The following AGAP1 variants were observed in gnomAD, a reference collection of about 807,000 sequenced individuals.
The protein encoded by AGAP1 is ArfGAP with GTPase domain, ankyrin repeat and PH domain 1, also known as arf-GAP with GTPase, ANK repeat and PH domain-containing protein 1.
In AGAP1, 29 loss-of-function variants were observed where a neutral mutation model predicts 105.3. The ratio of observed to expected loss-of-function variants is 0.28; its 90% CI spans 0.21 to 0.38. AGAP1 has a LOEUF of 0.38. AGAP1 is among the 10% of genes least tolerant of loss of function. The pLI, the probability that AGAP1 is intolerant of heterozygous loss-of-function variation, is 1.00. For synonymous variants in AGAP1, 509 were observed against 485.9 expected (o/e 1.05, Z -0.63); for missense variants, 998 against 1,165.1 (o/e 0.86, Z 2.09).
Position 236,036,809 on chromosome 2 carries a change from A to C in AGAP1, c.1800+94A>C. Reference sequence around the variant, plus strand: ...CCCAGGGAGGAGAAAATAGAGGACCAGTGTGAATGACAGGACCTAGCTATT... The same window carrying C: ...CCCAGGGAGGAGAAAATAGAGGACCCGTGTGAATGACAGGACCTAGCTATT... On this transcript the variant is annotated intron_variant, in intron 14 of 17. Coordinates refer to ENST00000304032, the MANE Select transcript of AGAP1 (RefSeq NM_001037131.3). This position sits in a 1 kb window ranked among gnomAD's most constrained non-coding sequence, Gnocchi z 5.7. 4 of 1,529,208 alleles carry C rather than the reference A, an allele frequency of 2.6e-6. No homozygotes were observed. Among genetic ancestry groups the C allele is most frequent in the Non-Finnish European group, 3.5e-6 (4 of 1,141,110 alleles). The allele number at this position is 1,529,208 out of a possible 1,614,324, so 94.7% of individuals were successfully genotyped here.
intron 2 of AGAP1, 37 bp from the exon 3 acceptor site, chr2:235,717,520 T>C (rs1450677154): frequency 7.4e-5 from 115 of 1,544,424 alleles, no homozygotes; most frequent in Non-Finnish European, 9.6e-5. Context: ...AATAGAGTGA[T>C]TTGATGATGC....
At chr2:235,589,716 G>A (rs922984029) in intron 1 of AGAP1, among the ~76,000 whole-genome samples, 2 of 152,084 alleles carry the variant, frequency 1.3e-5, no homozygotes, top group African/African-American at 4.8e-5. Flanking sequence ...TAGAGATATA[G>A]AATGGAGATA....
rs975789604 is a variant in AGAP1, at chr2:235,783,038, GTGTGTGTGTGTGTC to G, written c.674-14719_674-14706del. Among the ~76,000 whole-genome samples the G allele has an allele frequency of 6.8e-5, 6 of 88,748 alleles. No individual in the cohort carries two copies. In the East Asian group the frequency reaches 1.2e-3, roughly 18 times the overall value. 58.2% of individuals were successfully genotyped at this position (88,748 alleles called of 152,430 possible). A position where few individuals can be genotyped will look rare whatever the true frequency, so the allele number is the denominator to read the frequency against. ...GGCAGGAGATTGTGTGTGTGTGTGT[GTGTGTGTGTGTGTC>G]TAGGTTGCAGAGTGAGGATCTGGTC... On this transcript the variant is annotated intron_variant, in intron 6 of 17. Transcript: ENST00000304032.
rs1051528515 is a variant in AGAP1 at position 235,866,402 on chromosome 2, G to A, written c.1051-16943G>A. ...GTACCTGGTAGATACTCGGGGGAGT[G>A]TGTCCAGTACGGAATGGGAATTGAG... On this transcript the variant is annotated intron_variant, in intron 9 of 17. Coordinates refer to ENST00000304032, the MANE Select transcript of AGAP1 (RefSeq NM_001037131.3). The surrounding 1 kb of genome is among the most constrained non-coding windows in gnomAD (Gnocchi z 6.1). Among the ~76,000 whole-genome samples, 1 of 152,126 alleles carries A rather than the reference G, an allele frequency of 6.6e-6. No individual in the cohort carries two copies. Among genetic ancestry groups the A allele is most frequent in the East Asian group, 1.9e-4 (1 of 5,188 alleles).
chr2:235,510,054 C>T (rs1159403343), intron 1 of AGAP1, among the ~76,000 whole-genome samples: 1 of 152,254 alleles, frequency 6.6e-6, no homozygotes, highest in African/African-American at 2.4e-5. Context: ...TGTCTCCTGT[C>T]CCCCCCAGCT....
intron 1 of AGAP1, among the ~76,000 whole-genome samples, chr2:235,528,364 G>A (rs868652162): frequency 5.4e-4 from 25 of 46,234 alleles, no homozygotes; most frequent in African/African-American, 1.3e-3. Flanking sequence ...CCCCTCCCCC[G>A]CCCCCTCCCC....
Position 235,927,651 on chromosome 2 carries a change from T to TA in AGAP1, c.1325-3113dup, listed in dbSNP as rs1352393090. The stretch of plus-strand genomic sequence containing the variant: ...CTTGGCTCTCCTTACTGTGTGTTGA[T>TA]ACTTACTTCTGGAGCTTTATTGCAA... On this transcript the variant is annotated intron_variant, in intron 11 of 17. Coordinates refer to ENST00000304032, the MANE Select transcript of AGAP1 (RefSeq NM_001037131.3). The surrounding 1 kb of genome is among the most constrained non-coding windows in gnomAD (Gnocchi z 4.4). Among the ~76,000 whole-genome samples the TA allele has an allele frequency of 6.6e-6, 1 of 152,212 alleles. No individual in the cohort carries two copies. The highest frequency in any genetic ancestry group is 1.5e-5 in the Non-Finnish European group (1 of 68,042).
rs1389677203 is a variant in AGAP1, at chr2:236,119,089, G to A, written c.2115-1103G>A. Among the ~76,000 whole-genome samples, 1 of 151,968 alleles carries A rather than the reference G, an allele frequency of 6.6e-6. No homozygotes were observed. Among genetic ancestry groups the A allele is most frequent in the African/African-American group, 2.4e-5 (1 of 41,354 alleles). Reference sequence around the variant, plus strand: ...TGTAGCAGGGTCCCCATCCTCTGTAGACCCCCCAGGAGGAGACCATGTATT... The same window carrying A: ...TGTAGCAGGGTCCCCATCCTCTGTAAACCCCCCAGGAGGAGACCATGTATT... On this transcript the variant is annotated intron_variant, in intron 16 of 17. Transcript: ENST00000304032. The surrounding 1 kb of genome is among the most constrained non-coding windows in gnomAD (Gnocchi z 6.6).
Position 235,963,530 on chromosome 2 carries a change from T to A in AGAP1, c.1484-4932T>A, listed in dbSNP as rs1424807616. 1.3e-5 allele frequency among the ~76,000 whole-genome samples: 2 copies of A among 152,232 alleles called. No homozygotes were observed. The highest frequency in any genetic ancestry group is 4.8e-5 in the African/African-American group (2 of 41,464). ...AAATACGTGTGAGTTGGGTACCATA[T>A]AGCCCTCAGCAGAGTATTTGACAAG... On this transcript the variant is annotated intron_variant, in intron 12 of 17. Transcript: ENST00000304032. The surrounding 1 kb of genome is among the most constrained non-coding windows in gnomAD (Gnocchi z 5.1).
chr2:235,778,029 G>T (rs1317338869), intron 6 of AGAP1, among the ~76,000 whole-genome samples: 1 of 152,106 alleles, frequency 6.6e-6, no homozygotes, highest in African/African-American at 2.4e-5. Flanking sequence ...TTTCACCGAG[G>T]CACTCACATT....
rs1256699100 is a variant in AGAP1 at position 236,000,350 on chromosome 2, T to A, written c.1645+31727T>A. ...TTATTTGAGGACCTGCTGTACACAG[T>A]TTTGCTTAAAGTCACACATTTCCAA... On this transcript the variant is annotated intron_variant, in intron 13 of 17. Transcript: ENST00000304032. This position sits in a 1 kb window ranked among gnomAD's most constrained non-coding sequence, Gnocchi z 4.3. 1.3e-5 allele frequency among the ~76,000 whole-genome samples: 2 copies of A among 152,164 alleles called. No individual in the cohort carries two copies. Among genetic ancestry groups the A allele is most frequent in the Non-Finnish European group, 2.9e-5 (2 of 68,036 alleles).
At chr2:236,029,183 G>T (rs1285796108) in intron 13 of AGAP1, among the ~76,000 whole-genome samples, 1 of 144,348 alleles carries the variant, frequency 6.9e-6, no homozygotes, top group Non-Finnish European at 1.5e-5. Flanking sequence ...TTTTTATTTA[G>T]TTTTTTTTTT....
At chr2:235,902,418 T>TATCCATGCAGGCATATCCACATGC in intron 10 of AGAP1, among the ~76,000 whole-genome samples, 1 of 152,356 alleles carries the variant, frequency 6.6e-6, no homozygotes, top group East Asian at 1.9e-4. Context: ...ACGTGTGTTT[T>TATCCATGCAGGCATATCCACATGC]ATCCATGCAG....
intron 1 of AGAP1, among the ~76,000 whole-genome samples, chr2:235,604,952 C>T (rs1945877483): frequency 6.6e-6 from 1 of 152,052 alleles, no homozygotes. Context: ...GCGATCCTGG[C>T]TCACTGCAAC....
At position 235,977,152 on chromosome 2, in the gene AGAP1, G is replaced by A. The variant is rs1439021332; in HGVS notation, c.1645+8529G>A. On this transcript the variant is annotated intron_variant, in intron 13 of 17. Transcript: ENST00000304032. This position sits in a 1 kb window ranked among gnomAD's most constrained non-coding sequence, Gnocchi z 5.2. The stretch of plus-strand genomic sequence containing the variant: ...CCGGCGTCCATCAGCAGAGAACTCG[G>A]GGCACCGTGTTTTCCTGTGTGCACC... 6.6e-6 allele frequency among the ~76,000 whole-genome samples: 1 copy of A among 152,174 alleles called. No individual in the cohort carries two copies. The highest frequency in any genetic ancestry group is 1.5e-5 in the Non-Finnish European group (1 of 68,028).
intron 12 of AGAP1, among the ~76,000 whole-genome samples, chr2:235,956,565 T>C (rs1177552908): frequency 6.7e-6 from 1 of 149,578 alleles, no homozygotes; most frequent in Non-Finnish European, 1.5e-5. Flanking sequence ...AGGAAACGGA[T>C]GGGGTGCAAA....
chr2:235,780,969 C>A (rs1390479574), intron 6 of AGAP1, among the ~76,000 whole-genome samples: 5 of 152,086 alleles, frequency 3.3e-5, no homozygotes, highest in Non-Finnish European at 1.5e-5. Context: ...GAATAAAATT[C>A]TCTGCAGCCA....
chr2:235,999,516 GTGGTGGTGGTGATGATGATGA>G (rs2055997685), intron 13 of AGAP1, among the ~76,000 whole-genome samples: 1 of 151,062 alleles, frequency 6.6e-6, no homozygotes, highest in Admixed American at 6.6e-5. Context: ...GGTGATGGTG[GTGGTGGTGGTGATGATGATGA>G]TAGTGGTGAT....
At chr2:236,082,000 T>C (rs547113960) in intron 16 of AGAP1, among the ~76,000 whole-genome samples, 4 of 152,142 alleles carry the variant, frequency 2.6e-5, no homozygotes, top group South Asian at 2.1e-4. Flanking sequence ...ACAGGAAATA[T>C]AGCACGCCTA....
Sources: allele counts gnomAD v4.1 joint callset (sites outside exome capture counted in the v4.1 genomes callset), GRCh38; gene constraint gnomAD v4.1.1; non-coding constraint Gnocchi (gnomAD v3.1); transcripts MANE v1.5; gene names NCBI Gene and HGNC (gene_info 2026-07-23, HGNC 2026-07-21).